The following CCDC148 variants were observed in gnomAD, a reference collection of about 807,000 sequenced individuals.
The protein encoded by CCDC148 is coiled-coil domain-containing protein 148.
Under a neutral mutation model 85.7 loss-of-function variants are expected in CCDC148, and 89 were observed. That is an observed-to-expected ratio of 1.04 (90% CI 0.87 to 1.24). The LOEUF is 1.24. Among genes scored for constraint, CCDC148 ranks in the 50% most tolerant of loss-of-function variants. CCDC148 has a pLI of 0.00. For missense variants in CCDC148, 692 were observed against 671.7 expected, an observed-to-expected ratio of 1.03 and a Z score of -0.33; for synonymous variants, 230 against 213.9, an observed-to-expected ratio of 1.08 and a Z score of -0.66.
Position 158,456,417 on chromosome 2 carries a change from G to A in CCDC148, c.23C>T (p.Pro8Leu). The change falls in exon 1 of 14, where the codon CCA becomes CTA. Residue 8 changes from proline to leucine, a missense_variant and splice_region_variant. Pro to Leu is a moderately conservative substitution (Grantham distance 98, BLOSUM62 -3). Transcript: ENST00000283233. ...GAAGGGATGGGGTGCAAACTCACCTGGAGAAGCAGAAGCTGCACACATGTC... is the reference window on the plus strand; with the variant it reads ...GAAGGGATGGGGTGCAAACTCACCTAGAGAAGCAGAAGCTGCACACATGTC... MCAASASPDNLVFHMKNE... is the reference protein window; with the variant it reads MCAASASLDNLVFHMKNE... The A allele has an allele frequency of 6.2e-7, 1 of 1,611,746 alleles. No homozygotes were observed. The highest frequency in any genetic ancestry group is 1.1e-5 in the South Asian group (1 of 90,280).
At chr2:158,217,122 C>T (rs955472420) in intron 11 of CCDC148, among the ~76,000 whole-genome samples, 2 of 151,594 alleles carry the variant, frequency 1.3e-5, no homozygotes, top group African/African-American at 4.9e-5. Flanking sequence ...TGGGCAAAAA[C>T]AATTTTGATA....
At chr2:158,229,020 A>G (rs1687716491) in intron 10 of CCDC148, among the ~76,000 whole-genome samples, 1 of 151,576 alleles carries the variant, frequency 6.6e-6, no homozygotes, top group Non-Finnish European at 1.5e-5. Context: ...CTTCAGTCAC[A>G]GCCTTCTCAA....
chr2:158,277,230 G>C (rs1215869586), intron 9 of CCDC148, among the ~76,000 whole-genome samples: 2 of 152,158 alleles, frequency 1.3e-5, no homozygotes, highest in Non-Finnish European at 1.5e-5. Flanking sequence ...GATAACATTT[G>C]CATAAAGTTG....
chr2:158,255,313 G>C (rs1218741037), intron 9 of CCDC148, among the ~76,000 whole-genome samples: 1 of 151,464 alleles, frequency 6.6e-6, no homozygotes, highest in South Asian at 2.1e-4. Context: ...AAAGGGGGGC[G>C]GGTAAAGGAA....
At chr2:158,216,419 C>T (rs1284870255) in intron 11 of CCDC148, among the ~76,000 whole-genome samples, 17 of 92,114 alleles carry the variant, frequency 1.8e-4, no homozygotes, top group Middle Eastern at 0.014. Flanking sequence ...TTTTTTGAGA[C>T]GGAGTCTTGC....
intron 2 of CCDC148, among the ~76,000 whole-genome samples, chr2:158,352,381 A>G (rs1454644504): frequency 6.6e-6 from 1 of 152,270 alleles, no homozygotes; most frequent in Non-Finnish European, 1.5e-5. Flanking sequence ...AACTGCTTAA[A>G]GGAGGTGATG....
chr2:158,320,508 G>A (rs1692472675), intron 7 of CCDC148, among the ~76,000 whole-genome samples: 1 of 152,024 alleles, frequency 6.6e-6, no homozygotes, highest in African/African-American at 2.4e-5. Context: ...ATGAACAATT[G>A]GTTTGTTATA....
chr2:158,361,706 G>A (rs1261887475), intron 1 of CCDC148, among the ~76,000 whole-genome samples: 1 of 152,158 alleles, frequency 6.6e-6, no homozygotes, highest in Non-Finnish European at 1.5e-5. Flanking sequence ...ACCGGTACCA[G>A]CCACTGCAAA....
chr2:158,439,230 T>C (rs961932997), intron 1 of CCDC148, among the ~76,000 whole-genome samples: 1 of 152,190 alleles, frequency 6.6e-6, no homozygotes, highest in Non-Finnish European at 1.5e-5. Flanking sequence ...CCAACCCAAA[T>C]GTCCAAGAAT....
At chr2:158,325,775 A>G (rs1248896560) in intron 7 of CCDC148, among the ~76,000 whole-genome samples, 4 of 152,172 alleles carry the variant, frequency 2.6e-5, no homozygotes, top group Non-Finnish European at 5.9e-5. Context: ...TCAGTCCCCA[A>G]AAAGCAACTA....
Position 158,319,995 on chromosome 2 carries a change from T to G in CCDC148, c.765-6101A>C, listed in dbSNP as rs554706005. Among the ~76,000 whole-genome samples, 7 of 152,340 alleles carry G rather than the reference T, an allele frequency of 4.6e-5. 1 individual carries two copies. The South Asian group carries it at 1.5e-3, about 32-fold the overall frequency. ...TCCTTATATTGAGCCAAAATCTGTC[T>G]CCATGTTACCATTTTATTCTTCATT... is the stretch of plus-strand genomic sequence containing the variant. On this transcript the variant is annotated intron_variant, in intron 7 of 13. Coordinates refer to ENST00000283233, the MANE Select transcript of CCDC148 (RefSeq NM_138803.4).
At chr2:158,344,871 T>C (rs1429906477) in intron 3 of CCDC148, among the ~76,000 whole-genome samples, 3 of 152,102 alleles carry the variant, frequency 2.0e-5, no homozygotes, top group Non-Finnish European at 4.4e-5. Flanking sequence ...ATAGGATCTT[T>C]ACCACTTTAT....
intron 1 of CCDC148, among the ~76,000 whole-genome samples, chr2:158,435,120 C>CAGAGA (rs1370719499): frequency 2.0e-5 from 3 of 152,084 alleles, no homozygotes; most frequent in Non-Finnish European, 4.4e-5. Context: ...TCAGGAAATA[C>CAGAGA]AGAGAATGCC....
chr2:158,301,888 A>G (rs182956134), intron 9 of CCDC148, among the ~76,000 whole-genome samples: 42 of 152,328 alleles, frequency 2.8e-4, no homozygotes, highest in South Asian at 6.2e-4. Context: ...ACGATAATGT[A>G]GACTATTCTT....
intron 9 of CCDC148, among the ~76,000 whole-genome samples, chr2:158,299,686 C>T (rs1167866926): frequency 6.6e-6 from 1 of 152,204 alleles, no homozygotes; most frequent in Non-Finnish European, 1.5e-5. Flanking sequence ...AACAGCCATT[C>T]ATCATCCCTG....
At chr2:158,219,349 G>C (rs1314842976) in intron 11 of CCDC148, among the ~76,000 whole-genome samples, 1 of 152,188 alleles carries the variant, frequency 6.6e-6, no homozygotes, top group African/African-American at 2.4e-5. Flanking sequence ...TCAATGTAAT[G>C]TCTCACAGCT....
At chr2:158,194,882 TC>T (rs1370092290) in intron 11 of CCDC148, among the ~76,000 whole-genome samples, 1 of 151,916 alleles carries the variant, frequency 6.6e-6, no homozygotes, top group Non-Finnish European at 1.5e-5. Context: ...CAGCATCCCA[TC>T]CCCCATCTGC....
intron 8 of CCDC148, among the ~76,000 whole-genome samples, chr2:158,310,658 C>T (rs796523371): frequency 5.0e-4 from 73 of 145,210 alleles, no homozygotes; most frequent in African/African-American, 1.7e-3. Flanking sequence ...CGTGGCCAGG[C>T]AGAGGCGCTC....
intron 9 of CCDC148, among the ~76,000 whole-genome samples, chr2:158,294,690 G>A (rs1231766730): frequency 1.3e-5 from 2 of 151,970 alleles, no homozygotes; most frequent in African/African-American, 2.4e-5. Context: ...CAGGCGTGGT[G>A]GCTGGTGCCT....
Sources: allele counts gnomAD v4.1 joint callset (sites outside exome capture counted in the v4.1 genomes callset), GRCh38; gene constraint gnomAD v4.1.1; transcripts MANE v1.5; gene names NCBI Gene and HGNC (gene_info 2026-07-23, HGNC 2026-07-21).